Variants in SEMA3A observed in about 807,000 individuals in gnomAD.
The protein encoded by SEMA3A is semaphorin-3A.
In SEMA3A, 29 loss-of-function variants were observed where a neutral mutation model predicts 97.9. The ratio of observed to expected loss-of-function variants is 0.30; its 90% confidence interval spans 0.22 to 0.40. SEMA3A has a LOEUF of 0.40. Among genes scored for constraint, SEMA3A ranks in the 10% least tolerant of loss-of-function variants. The probability of loss-of-function intolerance (pLI) is 1.00; values close to 1 mark genes in which losing one functional copy is unlikely to be tolerated. For synonymous variants in SEMA3A, 321 were observed against 323.7 expected, an observed-to-expected ratio of 0.99 and a Z score of 0.09; for missense variants, 763 against 951.3, an observed-to-expected ratio of 0.80 and a Z score of 2.60.
intron 2 of SEMA3A, among the ~76,000 whole-genome samples, chr7:84,358,508 G>A (rs1249206869): frequency 6.6e-6 from 1 of 152,022 alleles, no homozygotes; most frequent in African/African-American, 2.4e-5. Flanking sequence ...CTCTGTTTTG[G>A]TACCAGTACC....
chr7:84,351,419 C>T (rs1802436130), intron 2 of SEMA3A, among the ~76,000 whole-genome samples: 1 of 151,916 alleles, frequency 6.6e-6, no homozygotes, highest in African/African-American at 2.4e-5. Context: ...TAACTTTTAC[C>T]TCCATATTCC....
chr7:84,489,554 T>C (rs1806666370), intron 1 of SEMA3A, among the ~76,000 whole-genome samples: 1 of 152,158 alleles, frequency 6.6e-6, no homozygotes, highest in Non-Finnish European at 1.5e-5. Flanking sequence ...CTGGAAGTAG[T>C]TGGCTTCCAA....
intron 3 of SEMA3A, among the ~76,000 whole-genome samples, chr7:84,118,960 C>G (rs1795517709): frequency 6.6e-6 from 1 of 152,102 alleles, no homozygotes; most frequent in African/African-American, 2.4e-5. Flanking sequence ...CAGCCATAGA[C>G]TAGCTCATTG....
At chr7:84,062,372 C>T (rs1043796611) in intron 4 of SEMA3A, among the ~76,000 whole-genome samples, 4 of 151,824 alleles carry the variant, frequency 2.6e-5, no homozygotes, top group Non-Finnish European at 5.9e-5. Context: ...AAAGAAATAC[C>T]CAGATATATG....
At chr7:84,243,024 C>A (rs1365769762) in intron 3 of SEMA3A, among the ~76,000 whole-genome samples, 1 of 152,144 alleles carries the variant, frequency 6.6e-6, no homozygotes, top group African/African-American at 2.4e-5. Context: ...GGTGAATAAG[C>A]TTTTTGATGT....
intron 4 of SEMA3A, among the ~76,000 whole-genome samples, chr7:84,066,407 G>A (rs1240717247): frequency 7.0e-6 from 1 of 143,272 alleles, no homozygotes; most frequent in Non-Finnish European, 1.5e-5. Flanking sequence ...CATAGTGTTC[G>A]AAGTTCTGGC....
chr7:84,346,161 GCCT>G (rs1802295137), intron 2 of SEMA3A, among the ~76,000 whole-genome samples: 1 of 152,148 alleles, frequency 6.6e-6, no homozygotes, highest in Admixed American at 6.5e-5. Flanking sequence ...TTCTTCTTCA[GCCT>G]CCTCATCTCT....
chr7:84,332,996 C>T (rs1374913200), intron 2 of SEMA3A, among the ~76,000 whole-genome samples: 2 of 151,946 alleles, frequency 1.3e-5, no homozygotes, highest in Non-Finnish European at 2.9e-5. Flanking sequence ...AGACTGGTAT[C>T]TTTAATAATA....
At chr7:84,473,671 GAGC>G (rs1223833759) in intron 1 of SEMA3A, among the ~76,000 whole-genome samples, 1 of 152,050 alleles carries the variant, frequency 6.6e-6, no homozygotes, top group Non-Finnish European at 1.5e-5. Flanking sequence ...TTACAGGCAT[GAGC>G]CACTGCTCCT....
intron 3 of SEMA3A, among the ~76,000 whole-genome samples, chr7:84,219,927 C>T (rs537789283): frequency 6.6e-6 from 1 of 152,076 alleles, no homozygotes; most frequent in Non-Finnish European, 1.5e-5. Flanking sequence ...GTGGCAGTTG[C>T]TGAATTTTGG....
In SEMA3A at chr7:84,051,616, A is replaced by G. The variant is rs1243908877; in HGVS notation, c.548-5173T>C. Among the ~76,000 whole-genome samples the G allele has an allele frequency of 3.9e-5, 6 of 152,190 alleles. No homozygotes were observed. The East Asian group carries it at 9.6e-4, about 24-fold the overall frequency. On this transcript the variant is annotated intron_variant, in intron 5 of 16. Coordinates refer to ENST00000265362, the MANE Select transcript of SEMA3A (RefSeq NM_006080.3). Reference sequence around the variant, plus strand: ...CAGCTTAAGGAGATTTTGGGCTGAGACAATGGGGTTTTCTAGATATACGAT... The same window carrying G: ...CAGCTTAAGGAGATTTTGGGCTGAGGCAATGGGGTTTTCTAGATATACGAT...
At chr7:84,176,492 A>G (rs1797571705) in intron 1 of SEMA3A, among the ~76,000 whole-genome samples, 1 of 152,218 alleles carries the variant, frequency 6.6e-6, no homozygotes, top group Non-Finnish European at 1.5e-5. Context: ...TATTTATGAA[A>G]GATGGTATGG....
At chr7:84,352,020 C>T (rs1055547706) in intron 2 of SEMA3A, among the ~76,000 whole-genome samples, 2 of 143,604 alleles carry the variant, frequency 1.4e-5, no homozygotes, top group Non-Finnish European at 3.0e-5. Context: ...TATAGATACA[C>T]AATGTATTAT....
At chr7:84,356,121 T>G (rs1409697150) in intron 2 of SEMA3A, among the ~76,000 whole-genome samples, 3 of 151,944 alleles carry the variant, frequency 2.0e-5, no homozygotes, top group Admixed American at 1.3e-4. Flanking sequence ...TATTTGAATA[T>G]TAAAAGTATT....
chr7:84,314,339 C>T (rs1801442263), intron 2 of SEMA3A, among the ~76,000 whole-genome samples: 2 of 152,016 alleles, frequency 1.3e-5, no homozygotes, highest in Admixed American at 6.6e-5. Flanking sequence ...AACAGACATC[C>T]GTGCAATAGG....
At position 83,993,400 on chromosome 7, in the gene SEMA3A, C is replaced by A. The variant is rs188598466; in HGVS notation, c.1453-7923G>T. On this transcript the variant is annotated intron_variant, in intron 12 of 16. Transcript: ENST00000265362. Reference sequence around the variant, plus strand: ...TTTTGCTCGTTAGTTGATGCAGTTTCTTCCTAGTCTTGATGGTGTTTACAT... The same window carrying A: ...TTTTGCTCGTTAGTTGATGCAGTTTATTCCTAGTCTTGATGGTGTTTACAT... Among the ~76,000 whole-genome samples the A allele has an allele frequency of 6.9e-3, 1,047 of 151,768 alleles. 12 individuals are homozygous for A. The highest frequency in any genetic ancestry group is 0.023 in the African/African-American group (937 of 41,158).
chr7:84,132,056 G>C (rs1024978914), intron 2 of SEMA3A, among the ~76,000 whole-genome samples: 7 of 152,082 alleles, frequency 4.6e-5, no homozygotes, highest in African/African-American at 1.7e-4. Flanking sequence ...CCAGCAATCT[G>C]CAGGGCTTGG....
rs546176094 is a variant in SEMA3A, at chr7:84,447,652, G to T, written c.-246+44808C>A. On this transcript the variant is annotated intron_variant, in intron 1 of 3. Coordinates refer to the SEMA3A transcript ENST00000424555. The stretch of plus-strand genomic sequence containing the variant: ...ACCCACTTCGGGTCTCCTAAGAGCT[G>T]TTCTGTCGCTCAATAAAGCTTCTCT... Among the ~76,000 whole-genome samples, 3 of 152,284 alleles carry T rather than the reference G, an allele frequency of 2.0e-5. No individual in the cohort carries two copies. The East Asian group carries it at 5.8e-4, about 30-fold the overall frequency.
In SEMA3A at chr7:84,231,235, T is replaced by G. The variant is rs1168343462; in HGVS notation, c.-82-36567A>C. Among the ~76,000 whole-genome samples the G allele has an allele frequency of 3.9e-5, 6 of 152,014 alleles. No homozygotes were observed. The East Asian group carries it at 1.2e-3, about 29-fold the overall frequency. On this transcript the variant is annotated intron_variant, in intron 3 of 3. Coordinates refer to the SEMA3A transcript ENST00000424555. ...ATCCTGTGGCCTTCTGACTGTAGAG[T>G]GTGTGCCTGTTACTTTAATTCCTCA... is the stretch of plus-strand genomic sequence containing the variant.
Sources: gnomAD v4.1 joint callset for allele counts (sites outside exome capture counted in the v4.1 genomes callset) on GRCh38, gnomAD v4.1.1 for gene constraint, MANE v1.5 for transcripts, NCBI Gene and HGNC (gene_info 2026-07-23, HGNC 2026-07-21) for gene names.